The following TNFRSF10B variants were observed in gnomAD, a reference collection of about 807,000 sequenced individuals.
The protein encoded by TNFRSF10B is TNF receptor superfamily member 10b, also known as tumor necrosis factor receptor superfamily member 10B.
In TNFRSF10B, 35 loss-of-function variants were observed where a neutral mutation model predicts 41.4. That is an observed-to-expected ratio of 0.85 (90% confidence interval 0.65 to 1.12). The LOEUF (loss-of-function observed/expected upper bound fraction) is 1.12. Among genes scored for constraint, TNFRSF10B ranks in the 50% most tolerant of loss-of-function variants. The pLI, the probability that TNFRSF10B is intolerant of heterozygous loss-of-function variation, is 0.00. For missense variants in TNFRSF10B, 584 were observed against 552.7 expected (o/e 1.06, Z -0.57); for synonymous variants, 230 against 215.5 (o/e 1.07, Z -0.59).
chr8:23,064,143 T>A (rs1812914375), intron 1 of TNFRSF10B, among the ~76,000 whole-genome samples: 1 of 152,118 alleles, frequency 6.6e-6, no homozygotes, highest in Middle Eastern at 3.2e-3. Flanking sequence ...AACCCCAAAG[T>A]CCATGAACTT....
chr8:23,048,437 C>CAA lies in TNFRSF10B; in HGVS notation c.145-5196_145-5195dup, dbSNP rs34985507. Among the ~76,000 whole-genome samples, 90 of 93,682 alleles carry CAA rather than the reference C, an allele frequency of 9.6e-4. 1 individual carries two copies. The highest frequency in any genetic ancestry group is 6.3e-3 in the Middle Eastern group (1 of 158). 61.5% of individuals were successfully genotyped at this position (93,682 alleles called of 152,430 possible). On this transcript the variant is annotated intron_variant, in intron 1 of 8. Transcript: ENST00000276431. ...GGCAACAAAAGTGAAATTTTTGTGT[C>CAA]AAAAAAAAAAAAAAAAAAACAACTG... is the stretch of plus-strand genomic sequence containing the variant.
At chr8:23,048,154 C>T (rs1812417012) in intron 1 of TNFRSF10B, among the ~76,000 whole-genome samples, 1 of 152,168 alleles carries the variant, frequency 6.6e-6, no homozygotes, top group Non-Finnish European at 1.5e-5. Flanking sequence ...AACAACGAGG[C>T]TGGGCACGGT....
At chr8:23,058,380 T>A (rs1812730002) in intron 1 of TNFRSF10B, among the ~76,000 whole-genome samples, 1 of 152,236 alleles carries the variant, frequency 6.6e-6, no homozygotes, top group Admixed American at 6.5e-5. Flanking sequence ...GCCAAAATAG[T>A]TCTATAATTT....
intron 1 of TNFRSF10B, among the ~76,000 whole-genome samples, chr8:23,044,838 G>C (rs1373390089): frequency 1.3e-5 from 2 of 151,946 alleles, no homozygotes; most frequent in Non-Finnish European, 2.9e-5. Context: ...AATTCTGTTA[G>C]TTTTTTGAAA....
At chr8:23,068,128 A>G (rs1035301613) in intron 1 of TNFRSF10B, 3 of 153,090 alleles carry the variant, frequency 2.0e-5, no homozygotes, top group Non-Finnish European at 4.4e-5. Flanking sequence ...AAGGAACCCC[A>G]AACAATGGCA....
At chr8:23,056,418 G>A (rs1812667597) in intron 1 of TNFRSF10B, among the ~76,000 whole-genome samples, 1 of 152,120 alleles carries the variant, frequency 6.6e-6, no homozygotes, top group Non-Finnish European at 1.5e-5. Context: ...TTGGGAGGCC[G>A]AGGCGGGCGA....
chr8:23,047,851 T>C (rs1034883179), intron 1 of TNFRSF10B, among the ~76,000 whole-genome samples: 2 of 152,252 alleles, frequency 1.3e-5, no homozygotes, highest in African/African-American at 2.4e-5. Context: ...ATCCCACTTC[T>C]GGGTATTTAC....
At chr8:23,055,762 C>T (rs755040252) in intron 1 of TNFRSF10B, among the ~76,000 whole-genome samples, 12 of 152,092 alleles carry the variant, frequency 7.9e-5, no homozygotes, top group Non-Finnish European at 1.0e-4. Context: ...CATGGTTTAG[C>T]AGGGTAATCA....
chr8:23,056,079 G>A (rs1585224972), intron 1 of TNFRSF10B, among the ~76,000 whole-genome samples: 2 of 152,192 alleles, frequency 1.3e-5, no homozygotes, highest in Admixed American at 1.3e-4. Flanking sequence ...CCGACCCTCA[G>A]TTTGGTCCAG....
chr8:23,050,739 T>G (rs1812500866), intron 1 of TNFRSF10B, among the ~76,000 whole-genome samples: 1 of 152,202 alleles, frequency 6.6e-6, no homozygotes, highest in Admixed American at 6.5e-5. Context: ...TCTCCCTTTT[T>G]GAAAACCCAG....
At chr8:23,031,230 C>T (rs1811874338) in intron 2 of TNFRSF10B, among the ~76,000 whole-genome samples, 1 of 151,938 alleles carries the variant, frequency 6.6e-6, no homozygotes, top group South Asian at 2.1e-4. Flanking sequence ...CACACACTAC[C>T]ACACCTGGCT....
At position 23,027,127 on chromosome 8, in the gene TNFRSF10B, A is replaced by C. The variant is rs1585206368; in HGVS notation, c.936+6T>G. 1.2e-6 allele frequency: 2 copies of C among 1,613,718 alleles called. No individual in the cohort carries two copies. The highest frequency in any genetic ancestry group is 1.1e-5 in the South Asian group (1 of 91,068). On this transcript the variant is annotated splice_donor_region_variant and intron_variant, in intron 7 of 8. Transcript: ENST00000276431. The stretch of plus-strand genomic sequence containing the variant: ...CAGGAAACAAAATGATCTGTCCCCC[A>C]CTCACCAGCAGATGCTCTGACTCCC...
intron 2 of TNFRSF10B, among the ~76,000 whole-genome samples, chr8:23,037,306 GCTA>G (rs1812055860): frequency 6.6e-6 from 1 of 152,166 alleles, no homozygotes; most frequent in Admixed American, 6.5e-5. Context: ...GGCTACAGCT[GCTA>G]CTGAGTGCCC....
intron 3 of TNFRSF10B, among the ~76,000 whole-genome samples, chr8:23,030,089 G>A (rs937563440): frequency 1.8e-4 from 28 of 152,178 alleles, no homozygotes; most frequent in Non-Finnish European, 3.4e-4. Flanking sequence ...GCCTGCTGGG[G>A]AGGAGGGAGA....
rs561526434 is a variant in TNFRSF10B at position 23,058,732 on chromosome 8, G to A, written c.144+10019C>T. Among the ~76,000 whole-genome samples the A allele has an allele frequency of 2.6e-5, 4 of 152,132 alleles. No individual in the cohort carries two copies. The South Asian group carries it at 6.2e-4, about 24-fold the overall frequency. ...ACTCCCAATCTCAGGTGATCTGCTCGCTTCACCCTCCCAAAGTGCTGGGAT... is the reference window on the plus strand; with the variant it reads ...ACTCCCAATCTCAGGTGATCTGCTCACTTCACCCTCCCAAAGTGCTGGGAT... On this transcript the variant is annotated intron_variant, in intron 1 of 8. Coordinates refer to ENST00000276431, the MANE Select transcript of TNFRSF10B (RefSeq NM_003842.5).
chr8:23,029,532 G>T, intron 4 of TNFRSF10B, 78 bp downstream of exon 4: 1 of 1,412,600 alleles, frequency 7.1e-7, no homozygotes, highest in South Asian at 1.2e-5. Flanking sequence ...TGCTGTCAGG[G>T]GAGAGACAGG....
chr8:23,022,805 C>CT lies in TNFRSF10B; in HGVS notation c.1188_1189insA (p.Ala397SerfsTer23). 1.9e-6 allele frequency: 3 copies of CT among 1,613,942 alleles called. No individual in the cohort carries two copies. The highest frequency in any genetic ancestry group is 2.5e-6 in the Non-Finnish European group (3 of 1,179,890). On this transcript the variant is annotated frameshift_variant, in exon 9 of 9. Transcript: ENST00000276431. LOFTEE classifies it low-confidence loss of function (END_TRUNC). ...GCATCCAGCAGGGTGTGGACAGAGG[C>CT]ATCTCGCCCGGTTTTGTTGACCCAC...
chr8:23,057,978 G>T (rs1158416136), intron 1 of TNFRSF10B, among the ~76,000 whole-genome samples: 1 of 152,172 alleles, frequency 6.6e-6, no homozygotes, highest in Non-Finnish European at 1.5e-5. Flanking sequence ...TGGGCACAAT[G>T]GTTCATGCCT....
rs1308440731 is a variant in TNFRSF10B at position 23,051,214 on chromosome 8, T to TGCTGTTATTCA, written c.145-7972_145-7971insTGAATAACAGC. Among the ~76,000 whole-genome samples the TGCTGTTATTCA allele has an allele frequency of 3.3e-5, 5 of 152,272 alleles. No homozygotes were observed. The East Asian group carries it at 9.6e-4, about 29-fold the overall frequency. ...TGGCTCAAAGAAAAAAGCACTTGAA[T>TGCTGTTATTCA]AACAGAAAAAAGGAAAGACTAGTCA... On this transcript the variant is annotated intron_variant, in intron 1 of 8. Coordinates refer to ENST00000276431, the MANE Select transcript of TNFRSF10B (RefSeq NM_003842.5).
Sources: allele counts gnomAD v4.1 joint callset (sites outside exome capture counted in the v4.1 genomes callset), GRCh38; gene constraint gnomAD v4.1.1; transcripts MANE v1.5; gene names NCBI Gene and HGNC (gene_info 2026-07-23, HGNC 2026-07-21).